The following TRAPPC9 variants were observed in gnomAD, a reference collection of about 807,000 sequenced individuals.
TRAPPC9 encodes the protein IKK2 binding protein.
In TRAPPC9, 83 loss-of-function variants were observed where a neutral mutation model predicts 124.0. The observed-to-expected ratio is 0.67, with a 90% CI of 0.56 to 0.80. The LOEUF (loss-of-function observed/expected upper bound fraction) is 0.80, where lower values mean the gene tolerates loss of function less well. TRAPPC9 is among the 30% of genes least tolerant of loss of function. TRAPPC9 has a pLI of 0.00. For synonymous variants in TRAPPC9, 638 were observed against 617.5 expected, an observed-to-expected ratio of 1.03 and a Z score of -0.49; for missense variants, 1,302 against 1,508.3, an observed-to-expected ratio of 0.86 and a Z score of 2.27.
At chr8:140,068,787 A>G (rs1437514082) in intron 17 of TRAPPC9, among the ~76,000 whole-genome samples, 1 of 152,236 alleles carries the variant, frequency 6.6e-6, no homozygotes, top group Non-Finnish European at 1.5e-5. Context: ...TGGCACAACG[A>G]TATAGCTTTG....
chr8:140,092,156 A>G (rs1844609871), intron 17 of TRAPPC9, among the ~76,000 whole-genome samples: 1 of 150,886 alleles, frequency 6.6e-6, no homozygotes, highest in Non-Finnish European at 1.5e-5. Context: ...CTAATAAAAG[A>G]CATTATTTAA....
At chr8:139,958,904 G>A (rs1019850575) in intron 19 of TRAPPC9, among the ~76,000 whole-genome samples, 11,083 of 97,788 alleles carry the variant, frequency 0.11, 713 homozygotes, top group South Asian at 0.15. Flanking sequence ...AGTCACACAG[G>A]GGAGCACTGC....
intron 9 of TRAPPC9, 63 bp downstream of exon 9, chr8:140,359,987 G>T: frequency 6.2e-7 from 1 of 1,608,162 alleles, no homozygotes; most frequent in Non-Finnish European, 8.5e-7. Flanking sequence ...ACATGAACCA[G>T]CATCTAAAGT....
intron 20 of TRAPPC9, among the ~76,000 whole-genome samples, chr8:139,898,322 G>A (rs1226278474): frequency 4.6e-5 from 7 of 152,168 alleles, no homozygotes; most frequent in African/African-American, 1.4e-4. Flanking sequence ...ACTAGACCCC[G>A]GTAAGCATCC....
chr8:139,995,721 C>T (rs1355944385), intron 18 of TRAPPC9, among the ~76,000 whole-genome samples: 1 of 151,912 alleles, frequency 6.6e-6, no homozygotes, highest in African/African-American at 2.4e-5. Context: ...AGAATCAGAC[C>T]CTCAAGAGCA....
intron 21 of TRAPPC9, among the ~76,000 whole-genome samples, chr8:139,749,835 G>C (rs554242289): frequency 6.6e-6 from 1 of 152,362 alleles, no homozygotes; most frequent in East Asian, 1.9e-4. Context: ...GGGCTGCCCA[G>C]TGGAGAGCAC....
intron 17 of TRAPPC9, among the ~76,000 whole-genome samples, chr8:140,133,111 A>T (rs1359810002): frequency 6.6e-6 from 1 of 152,250 alleles, no homozygotes; most frequent in Non-Finnish European, 1.5e-5. Flanking sequence ...CATCAGAAGA[A>T]AAGAGGAAAG....
At chr8:139,901,018 T>TAAAAAAAA (rs374122670) in intron 20 of TRAPPC9, among the ~76,000 whole-genome samples, 4 of 151,142 alleles carry the variant, frequency 2.6e-5, no homozygotes, top group African/African-American at 7.3e-5. Flanking sequence ...AATAAATAAA[T>TAAAAAAAA]AAAAATAAAA....
upstream of TRAPPC9, chr8:140,458,363 C>G: frequency 6.3e-7 from 1 of 1,594,618 alleles, no homozygotes; most frequent in Non-Finnish European, 8.5e-7. Context: ...CACTGTGGAT[C>G]CCTGCGGCAC....
At chr8:140,038,165 C>A (rs1007286226) in intron 17 of TRAPPC9, among the ~76,000 whole-genome samples, 3 of 151,838 alleles carry the variant, frequency 2.0e-5, no homozygotes, top group African/African-American at 7.2e-5. Flanking sequence ...ATGTGAGGAA[C>A]GGAGAATAAA....
intron 19 of TRAPPC9, among the ~76,000 whole-genome samples, chr8:139,954,529 C>T (rs1483970148): frequency 1.3e-5 from 2 of 152,170 alleles, no homozygotes; most frequent in African/African-American, 2.4e-5. Flanking sequence ...TTAAGCCACC[C>T]ACCCAGTCTG....
chr8:139,821,466 G>A (rs1013672530), intron 21 of TRAPPC9, among the ~76,000 whole-genome samples: 3 of 152,188 alleles, frequency 2.0e-5, no homozygotes, highest in African/African-American at 7.2e-5. Context: ...AGAATAGCAG[G>A]ACCCCGCTTC....
At chr8:140,078,554 T>C (rs1587659320) in intron 17 of TRAPPC9, among the ~76,000 whole-genome samples, 1 of 151,622 alleles carries the variant, frequency 6.6e-6, no homozygotes, top group African/African-American at 2.4e-5. Context: ...GCTTCCTAGG[T>C]GGGGAAAGGA....
intron 19 of TRAPPC9, among the ~76,000 whole-genome samples, chr8:139,988,121 T>C (rs1181646038): frequency 2.0e-5 from 3 of 149,938 alleles, no homozygotes; most frequent in African/African-American, 7.4e-5. Context: ...TTTTTTTTTT[T>C]TTTTTGAGGC....
intron 10 of TRAPPC9, among the ~76,000 whole-genome samples, chr8:140,303,206 A>C (rs574881968): frequency 6.6e-6 from 1 of 152,302 alleles, no homozygotes; most frequent in Admixed American, 6.5e-5. Context: ...GTCTTTGTTC[A>C]CGTAAACGCC....
rs189847132 is a variant in TRAPPC9 at position 139,807,688 on chromosome 8, G to A, written c.3056-75486C>T. Among the ~76,000 whole-genome samples the A allele has an allele frequency of 4.0e-3, 615 of 152,280 alleles. 3 individuals are homozygous for A. The highest frequency in any genetic ancestry group is 0.014 in the African/African-American group (561 of 41,538). On this transcript the variant is annotated intron_variant, in intron 21 of 22. Coordinates refer to ENST00000438773, the MANE Select transcript of TRAPPC9 (RefSeq NM_001160372.4). Reference sequence around the variant, plus strand: ...TACCAAGCAGGGGTTCTGTGTTACAGCTCCTCTCTGCTTAACACCCGAGAA... The same window carrying A: ...TACCAAGCAGGGGTTCTGTGTTACAACTCCTCTCTGCTTAACACCCGAGAA...
intron 19 of TRAPPC9, among the ~76,000 whole-genome samples, chr8:139,958,409 TCA>T (rs1349725727): frequency 3.3e-5 from 5 of 152,130 alleles, no homozygotes; most frequent in African/African-American, 1.2e-4. Context: ...TCCATGAGAC[TCA>T]CAGTCTTTGC....
rs759553041 is a variant in TRAPPC9 at position 139,742,611 on chromosome 8, C to T, written c.3056-10409G>A. 3.3e-5 allele frequency among the ~76,000 whole-genome samples: 5 copies of T among 152,110 alleles called. No individual in the cohort carries two copies. The highest frequency in any genetic ancestry group is 9.7e-5 in the African/African-American group (4 of 41,406). On this transcript the variant is annotated intron_variant, in intron 21 of 22. Coordinates refer to ENST00000438773, the MANE Select transcript of TRAPPC9 (RefSeq NM_001160372.4). This position sits in a 1 kb window ranked among gnomAD's most constrained non-coding sequence, Gnocchi z 4.7. The stretch of plus-strand genomic sequence containing the variant: ...AAGCTATGGACCCAGAACACGGCCA[C>T]GGGCAGAGGCAGGATGGACTCAGGA...
At chr8:140,449,656 T>C (rs2071387404) in intron 2 of TRAPPC9, among the ~76,000 whole-genome samples, 1 of 152,232 alleles carries the variant, frequency 6.6e-6, no homozygotes, top group Non-Finnish European at 1.5e-5. Context: ...TCCCAGGTGG[T>C]ATTTCTGGCA....
Sources: allele counts gnomAD v4.1 joint callset (sites outside exome capture counted in the v4.1 genomes callset), GRCh38; gene constraint gnomAD v4.1.1; non-coding constraint Gnocchi (gnomAD v3.1); transcripts MANE v1.5; gene names NCBI Gene and HGNC (gene_info 2026-07-23, HGNC 2026-07-21).